The following MYT1L variants were observed in gnomAD, a reference collection of about 807,000 sequenced individuals.
MYT1L encodes the protein myelin transcription factor 1 like.
Under a neutral mutation model 126.7 loss-of-function variants are expected in MYT1L, and 12 were observed. That is an observed-to-expected ratio of 0.09 (90% CI 0.06 to 0.15). The LOEUF (loss-of-function observed/expected upper bound fraction) is 0.15. Among genes scored for constraint, MYT1L ranks in the 10% least tolerant of loss-of-function variants. The pLI is 1.00. For missense variants in MYT1L, 979 were observed against 1,585.2 expected, an observed-to-expected ratio of 0.62 and a Z score of 6.49; for synonymous variants, 541 against 604.2, an observed-to-expected ratio of 0.90 and a Z score of 1.53.
chr2:2,174,074 T>G (rs1036999577), intron 2 of MYT1L, among the ~76,000 whole-genome samples: 5 of 152,086 alleles, frequency 3.3e-5, no homozygotes, highest in African/African-American at 1.2e-4. Context: ...AACAAAATAA[T>G]GCCAAAATAG....
chr2:1,833,160 C>A (rs1262347516), intron 21 of MYT1L, among the ~76,000 whole-genome samples: 1 of 152,200 alleles, frequency 6.6e-6, no homozygotes, highest in African/African-American at 2.4e-5. Flanking sequence ...CAGTGTCCCC[C>A]ACAGTGTGTG....
At chr2:2,117,616 C>T (rs1021485155) in intron 3 of MYT1L, among the ~76,000 whole-genome samples, 4 of 152,198 alleles carry the variant, frequency 2.6e-5, no homozygotes, top group Admixed American at 6.5e-5. Flanking sequence ...CAGGGACTCC[C>T]TTTAGAATGC....
intron 3 of MYT1L, among the ~76,000 whole-genome samples, chr2:2,153,386 A>G (rs2086140896): frequency 6.6e-6 from 1 of 152,234 alleles, no homozygotes; most frequent in South Asian, 2.1e-4. Context: ...GGAAACAGAT[A>G]CCACCTGGGG....
rs1004688057 is a variant in MYT1L, at chr2:1,793,414, G to A, written c.3277-950C>T. 7.9e-5 allele frequency among the ~76,000 whole-genome samples: 12 copies of A among 152,266 alleles called. No individual in the cohort carries two copies. The East Asian group carries it at 9.7e-4, about 12-fold the overall frequency. ...ATCTGGGGCTTCTTCCTGGAAGACCGGGCCGACCCGCAGAGTCCAGGGCTG... is the reference window on the plus strand; with the variant it reads ...ATCTGGGGCTTCTTCCTGGAAGACCAGGCCGACCCGCAGAGTCCAGGGCTG... On this transcript the variant is annotated intron_variant, in intron 23 of 24. Coordinates refer to ENST00000647738, the MANE Select transcript of MYT1L (RefSeq NM_001303052.2). This position sits in a 1 kb window ranked among gnomAD's most constrained non-coding sequence, Gnocchi z 4.6.
chr2:2,276,889 C>T (rs1250304853), intron 2 of MYT1L, among the ~76,000 whole-genome samples: 1 of 152,224 alleles, frequency 6.6e-6, no homozygotes, highest in East Asian at 1.9e-4. Context: ...CACTCCTGTC[C>T]CCAGAGCCCA....
At chr2:2,177,563 A>G (rs2090950890) in intron 2 of MYT1L, among the ~76,000 whole-genome samples, 1 of 152,168 alleles carries the variant, frequency 6.6e-6, no homozygotes, top group Non-Finnish European at 1.5e-5. Flanking sequence ...TTTACAAAGG[A>G]AAGAGGTTTA....
At chr2:2,190,035 G>C (rs1347642676) in intron 2 of MYT1L, among the ~76,000 whole-genome samples, 1 of 152,156 alleles carries the variant, frequency 6.6e-6, no homozygotes, top group Non-Finnish European at 1.5e-5. Flanking sequence ...GGAAGCCCAG[G>C]TAACACCTCA....
At chr2:2,246,355 T>C (rs2094535631) in intron 2 of MYT1L, among the ~76,000 whole-genome samples, 1 of 152,222 alleles carries the variant, frequency 6.6e-6, no homozygotes, top group Non-Finnish European at 1.5e-5. Context: ...TGCTTCAGAC[T>C]TTTTCCTGCT....
At chr2:2,264,714 A>G (rs965514523) in intron 2 of MYT1L, among the ~76,000 whole-genome samples, 1 of 152,118 alleles carries the variant, frequency 6.6e-6, no homozygotes, top group South Asian at 2.1e-4. Flanking sequence ...TAAGACTTGA[A>G]CGTCAGTGGA....
At chr2:2,122,853 G>A (rs2081215791) in intron 3 of MYT1L, among the ~76,000 whole-genome samples, 1 of 146,248 alleles carries the variant, frequency 6.8e-6, no homozygotes, top group African/African-American at 2.6e-5. Flanking sequence ...GTGTGTGTGT[G>A]TGTGTGTGTG....
intron 21 of MYT1L, among the ~76,000 whole-genome samples, chr2:1,818,670 G>T (rs78918408): frequency 1.3e-5 from 2 of 152,038 alleles, no homozygotes; most frequent in African/African-American, 2.4e-5. Flanking sequence ...TTCGCTTCCC[G>T]GACTCTGGCC....
chr2:2,052,571 G>T (rs1048177622), intron 4 of MYT1L, among the ~76,000 whole-genome samples: 1 of 152,084 alleles, frequency 6.6e-6, no homozygotes, highest in African/African-American at 2.4e-5. Flanking sequence ...TAATATATAA[G>T]AATTCCTACA....
chr2:2,014,382 G>A (rs891469503), intron 4 of MYT1L, among the ~76,000 whole-genome samples: 1 of 152,140 alleles, frequency 6.6e-6, no homozygotes, highest in Non-Finnish European at 1.5e-5. Context: ...CAGCAAACGT[G>A]ATAATCCGCC....
At chr2:1,903,634 T>C (rs1364620186) in intron 13 of MYT1L, among the ~76,000 whole-genome samples, 1 of 152,174 alleles carries the variant, frequency 6.6e-6, no homozygotes, top group Non-Finnish European at 1.5e-5. Context: ...TGAAATTTCT[T>C]TGCAACGGTT....
At position 1,807,261 on chromosome 2, in the gene MYT1L, GT is replaced by G. The variant is rs570097427; in HGVS notation, c.3172+1814del. On this transcript the variant is annotated intron_variant, in intron 22 of 24. Coordinates refer to ENST00000647738, the MANE Select transcript of MYT1L (RefSeq NM_001303052.2). ...TTTGTACTGGCTGCTGGCAGAGGGAGTCCTGCAGGTACACACACGTGGGACG... is the reference window on the plus strand; with the variant it reads ...TTTGTACTGGCTGCTGGCAGAGGGAGCCTGCAGGTACACACACGTGGGACG... Among the ~76,000 whole-genome samples the G allele has an allele frequency of 5.5e-4, 84 of 152,382 alleles. 1 individual carries two copies. Among genetic ancestry groups the G allele is most frequent in the Admixed American group, 3.5e-3 (54 of 15,312 alleles).
intron 22 of MYT1L, among the ~76,000 whole-genome samples, chr2:1,804,385 C>T (rs948931917): frequency 2.1e-5 from 3 of 146,212 alleles, no homozygotes; most frequent in African/African-American, 4.9e-5. Context: ...GCCTCCCAAA[C>T]TGCTGGGATT....
intron 9 of MYT1L, among the ~76,000 whole-genome samples, chr2:1,933,625 T>C (rs2055327675): frequency 6.6e-6 from 1 of 152,202 alleles, no homozygotes; most frequent in Non-Finnish European, 1.5e-5. Context: ...CGTGTGGCTC[T>C]TCAAGCACAC....
chr2:2,086,655 T>A (rs1269881841), intron 3 of MYT1L, among the ~76,000 whole-genome samples: 1 of 152,206 alleles, frequency 6.6e-6, no homozygotes, highest in Non-Finnish European at 1.5e-5. Flanking sequence ...CTGTTGGTTC[T>A]GAGGCTAGCA....
chr2:1,889,104 TA>T lies in MYT1L; in HGVS notation c.2520+136del. 1 of 637,638 alleles carries T rather than the reference TA, an allele frequency of 1.6e-6. No homozygotes were observed. 39.5% of individuals were successfully genotyped at this position (637,638 alleles called of 1,614,324 possible). Reference sequence around the variant, plus strand: ...TTCTGGGTCAACAAAAACTGTTTTCTAAGTCCTCCTCAGCTAAAGGTCATAT... The same window carrying T: ...TTCTGGGTCAACAAAAACTGTTTTCTAGTCCTCCTCAGCTAAAGGTCATAT... On this transcript the variant is annotated intron_variant, in intron 16 of 24. Transcript: ENST00000647738. The surrounding 1 kb of genome is among the most constrained non-coding windows in gnomAD (Gnocchi z 4.1).
Sources: allele counts gnomAD v4.1 joint callset (sites outside exome capture counted in the v4.1 genomes callset), GRCh38; gene constraint gnomAD v4.1.1; non-coding constraint Gnocchi (gnomAD v3.1); transcripts MANE v1.5; gene names NCBI Gene and HGNC (gene_info 2026-07-23, HGNC 2026-07-21).